Variants in CACYBP observed in about 807,000 individuals in gnomAD.
CACYBP encodes the protein calcyclin-binding protein.
A neutral mutation model predicts 29.6 loss-of-function variants in CACYBP; 11 were observed. The observed-to-expected ratio is 0.37, with a 90% CI of 0.23 to 0.61. The LOEUF (loss-of-function observed/expected upper bound fraction) is 0.61. Among genes scored for constraint, CACYBP ranks in the 20% least tolerant of loss-of-function variants. The pLI, the probability that CACYBP is intolerant of heterozygous loss-of-function variation, is 0.65. For synonymous variants in CACYBP, 73 were observed against 88.3 expected, an observed-to-expected ratio of 0.83 and a Z score of 0.97; for missense variants, 163 against 260.7, an observed-to-expected ratio of 0.63 and a Z score of 2.58.
intron 3 of CACYBP, 105 bp from the exon 4 acceptor site, chr1:175,006,993 T>G: frequency 1.1e-6 from 1 of 879,004 alleles, no homozygotes; most frequent in Non-Finnish European, 1.8e-6. Flanking sequence ...ACTGGCCAAA[T>G]GCACACCCTG....
At chr1:175,001,822 A>G (rs1462294261) in intron 1 of CACYBP, among the ~76,000 whole-genome samples, 1 of 152,124 alleles carries the variant, frequency 6.6e-6, no homozygotes, top group Non-Finnish European at 1.5e-5. Context: ...GCTCACTGCA[A>G]TCTCCGTCTC....
chr1:175,000,545 C>T lies in CACYBP; in HGVS notation c.15+350C>T. 3.3e-6 allele frequency: 4 copies of T among 1,201,142 alleles called. No individual in the cohort carries two copies. The South Asian group carries it at 8.0e-5, about 24-fold the overall frequency. 74.4% of individuals were successfully genotyped at this position (1,201,142 alleles called of 1,614,324 possible). ...CAGCCAGTGGACAGGAAGCTTCATTCAAGCAAAGCTGGGTGCAAACATGAG... is the reference window on the plus strand; with the variant it reads ...CAGCCAGTGGACAGGAAGCTTCATTTAAGCAAAGCTGGGTGCAAACATGAG... On this transcript the variant is annotated intron_variant, in intron 1 of 5. Coordinates refer to ENST00000367679, the MANE Select transcript of CACYBP (RefSeq NM_014412.3).
Position 175,011,106 on chromosome 1 carries a change from T to TAAAAAAAAAAA in CACYBP, c.*1038_*1048dup, listed in dbSNP as rs535813233. Reference sequence around the variant, plus strand: ...GTAACAGATTGAGAACCTGTCTCATTAAAAAAAAAAAAAAAAAAAAAGCCG... The same window carrying TAAAAAAAAAAA: ...GTAACAGATTGAGAACCTGTCTCATTAAAAAAAAAAAAAAAAAAAAAAAAAAAAAAAAGCCG... On this transcript the variant is annotated 3_prime_UTR_variant, in exon 6 of 6. Coordinates refer to ENST00000367679, the MANE Select transcript of CACYBP (RefSeq NM_014412.3). 2 of 85,224 alleles carry TAAAAAAAAAAA rather than the reference T, an allele frequency of 2.3e-5. No homozygotes were observed. Among genetic ancestry groups the TAAAAAAAAAAA allele is most frequent in the Non-Finnish European group, 4.6e-5 (2 of 43,034 alleles). The allele number at this position is 85,224 out of a possible 1,614,324, so 5.3% of individuals were successfully genotyped here.
intron 4 of CACYBP, among the ~76,000 whole-genome samples, chr1:175,008,106 C>T (rs986105157): frequency 9.2e-5 from 14 of 152,130 alleles, no homozygotes; most frequent in Non-Finnish European, 1.6e-4. Context: ...GCCCTTCTTT[C>T]TCACTTTCAA....
chr1:174,999,621 T>C (rs557959050), upstream of CACYBP: 18 of 202,586 alleles, frequency 8.9e-5, no homozygotes, highest in East Asian at 3.3e-3. Context: ...GCCTGGTGTG[T>C]CTGGTGTCCT....
intron 5 of CACYBP, 74 bp downstream of exon 5, chr1:175,008,780 T>C (rs1240804058): frequency 1.3e-6 from 1 of 782,796 alleles, no homozygotes; most frequent in African/African-American, 1.7e-5. Flanking sequence ...AGTTTGTCTT[T>C]ATGGATAATG....
chr1:175,004,733 A>G lies in CACYBP; in HGVS notation c.135A>G (p.Gln45=). The change falls in exon 2 of 6, where the codon CAA becomes CAG. Residue 45 remains glutamine, a synonymous_variant. Transcript: ENST00000367679. ...KIETEIKNKM[Q]QKSQKKAELL... ...AGACAGAAATCAAGAACAAGATGCA[A>G]CAGAAATCACAGAAGAAAGCAGAAC... 15 of 1,614,052 alleles carry G rather than the reference A, an allele frequency of 9.3e-6. No individual in the cohort carries two copies. Among genetic ancestry groups the G allele is most frequent in the Non-Finnish European group, 1.3e-5 (15 of 1,179,864 alleles).
At chr1:175,004,252 G>A (rs374386076) in intron 1 of CACYBP, among the ~76,000 whole-genome samples, 3 of 152,130 alleles carry the variant, frequency 2.0e-5, no homozygotes, top group South Asian at 2.1e-4. Flanking sequence ...AATGACACTC[G>A]GATTAGATGT....
At chr1:175,006,911 CT>C in intron 3 of CACYBP, 70 bp downstream of exon 3, 1 of 954,036 alleles carries the variant, frequency 1.0e-6, no homozygotes, top group Non-Finnish European at 1.7e-6. Flanking sequence ...AGACTCTCTT[CT>C]TTGCAGTTTT....
chr1:175,005,773 A>G (rs564542152), intron 2 of CACYBP, among the ~76,000 whole-genome samples: 49 of 152,312 alleles, frequency 3.2e-4, no homozygotes, highest in African/African-American at 1.1e-3. Flanking sequence ...AGGAACATAG[A>G]TTTGTGTTGA....
At chr1:175,002,093 T>C (rs1297820760) in intron 1 of CACYBP, among the ~76,000 whole-genome samples, 1 of 152,248 alleles carries the variant, frequency 6.6e-6, no homozygotes, top group East Asian at 1.9e-4. Flanking sequence ...GCGAGTACTG[T>C]ATCCAAGTTT....
chr1:175,000,707 A>G, intron 1 of CACYBP: 25 of 635,942 alleles, frequency 3.9e-5, no homozygotes, highest in Non-Finnish European at 4.9e-5. Flanking sequence ...TCGCAGTAGC[A>G]TCCATTTCAT....
intron 2 of CACYBP, 186 bp downstream of exon 2, chr1:175,005,019 T>C: frequency 3.2e-6 from 2 of 627,936 alleles, no homozygotes; most frequent in Non-Finnish European, 5.8e-6. Context: ...TAGAAGCTGT[T>C]AACAAGAGTA....
chr1:175,004,585 T>A, intron 1 of CACYBP, 29 bp from the exon 2 acceptor site: 1 of 1,394,896 alleles, frequency 7.2e-7, no homozygotes, highest in Non-Finnish European at 9.8e-7. Context: ...TTATTTATCA[T>A]AGCTAACTTA....
In CACYBP at chr1:175,000,035, CT is replaced by C; in HGVS notation, c.-144del. 1 of 1,197,780 alleles carries C rather than the reference CT, an allele frequency of 8.3e-7. No individual in the cohort carries two copies. Among genetic ancestry groups the C allele is most frequent in the Non-Finnish European group, 1.2e-6 (1 of 835,232 alleles). 74.2% of individuals were successfully genotyped at this position (1,197,780 alleles called of 1,614,324 possible). A position where few individuals can be genotyped will look rare whatever the true frequency, so the allele number is the denominator to read the frequency against. On this transcript the variant is annotated 5_prime_UTR_variant, in exon 1 of 6. Transcript: ENST00000367679. ...TCGCGTGCGGGAGGCGGGCCGCGATCTTGCGCAGGGTCGGTGTGGGCGCAGG... is the reference window on the plus strand; with the variant it reads ...TCGCGTGCGGGAGGCGGGCCGCGATCTGCGCAGGGTCGGTGTGGGCGCAGG...
rs1574108567 is a variant in CACYBP, at chr1:175,004,805, G to A, written c.207G>A (p.Thr69=). 3.7e-6 allele frequency: 6 copies of A among 1,611,680 alleles called. No individual in the cohort carries two copies. In the Middle Eastern group the frequency reaches 5.0e-4, roughly 133 times the overall value. ...KPAAVVAPIT[T]GYTVKISNYG... The stretch of plus-strand genomic sequence containing the variant: ...CTGCTGTGGTTGCTCCCATTACAAC[G>A]GGCTATACGGTGAAAATCAGTAATT... The change falls in exon 2 of 6, where the codon ACG becomes ACA. Residue 69 remains threonine, a synonymous_variant. Transcript: ENST00000367679.
chr1:175,003,367 C>T (rs1053399645), intron 1 of CACYBP, among the ~76,000 whole-genome samples: 4 of 152,164 alleles, frequency 2.6e-5, no homozygotes, highest in Non-Finnish European at 5.9e-5. Context: ...GATCCACCCG[C>T]TTTGGCCTCC....
chr1:175,007,677 A>T (rs927418813), intron 4 of CACYBP, among the ~76,000 whole-genome samples: 1 of 152,222 alleles, frequency 6.6e-6, no homozygotes, highest in Non-Finnish European at 1.5e-5. Context: ...CACAAAGTTG[A>T]AATGATACAC....
At chr1:175,009,473 C>CT (rs1196743036) in intron 5 of CACYBP, among the ~76,000 whole-genome samples, 1 of 151,804 alleles carries the variant, frequency 6.6e-6, no homozygotes, top group Admixed American at 6.6e-5. Flanking sequence ...TGGTGAAACT[C>CT]TGTCTCTACT....
Sources: gnomAD v4.1 joint callset for allele counts (sites outside exome capture counted in the v4.1 genomes callset) on GRCh38, gnomAD v4.1.1 for gene constraint, MANE v1.5 for transcripts, NCBI Gene and HGNC (gene_info 2026-07-23, HGNC 2026-07-21) for gene names.